Variants in OMA1 observed in about 807,000 individuals in gnomAD.
OMA1 encodes the protein OMA1 zinc metallopeptidase, also known as metalloendopeptidase OMA1, mitochondrial.
Under a neutral mutation model 30.9 loss-of-function variants are expected in OMA1, and 38 were observed. The ratio of observed to expected loss-of-function variants is 1.23; its 90% confidence interval spans 0.95 to 1.61. OMA1 has a LOEUF of 1.61. Ranked by LOEUF, OMA1 falls within the 40% of genes most tolerant of loss-of-function variation. The pLI is 0.00. For missense variants in OMA1, 461 were observed against 349.2 expected (o/e 1.32, Z -2.55); for synonymous variants, 173 against 121.9 (o/e 1.42, Z -2.76).
At chr1:58,502,299 G>C (rs1461689856) in intron 8 of OMA1, among the ~76,000 whole-genome samples, 1 of 152,178 alleles carries the variant, frequency 6.6e-6, no homozygotes, top group Non-Finnish European at 1.5e-5. Flanking sequence ...CTATGAATCT[G>C]ATCCAACACA....
chr1:58,486,436 A>T (rs1309275089), intron 8 of OMA1, among the ~76,000 whole-genome samples: 1 of 152,120 alleles, frequency 6.6e-6, no homozygotes, highest in African/African-American at 2.4e-5. Context: ...TACATGCTAA[A>T]TTTCTATAAG....
chr1:58,507,421 C>T (rs6674248), intron 7 of OMA1, among the ~76,000 whole-genome samples: 5,661 of 151,814 alleles, frequency 0.037, 151 homozygotes, highest in Non-Finnish European at 0.051. Context: ...TTAACAAATA[C>T]CATTAAAGCA....
intron 8 of OMA1, among the ~76,000 whole-genome samples, chr1:58,494,834 G>A (rs574845805): frequency 3.9e-5 from 6 of 152,180 alleles, no homozygotes; most frequent in Admixed American, 3.9e-4. Flanking sequence ...CTGTAAACTA[G>A]TTCAAACATT....
intron 8 of OMA1, among the ~76,000 whole-genome samples, chr1:58,502,010 G>C (rs1406886600): frequency 6.6e-6 from 1 of 150,846 alleles, no homozygotes. Context: ...AGGGATTTTT[G>C]TCTATTTATT....
intron 7 of OMA1, among the ~76,000 whole-genome samples, chr1:58,507,138 C>T (rs912376525): frequency 5.8e-4 from 88 of 151,702 alleles, no homozygotes; most frequent in African/African-American, 2.1e-3. Flanking sequence ...ATTTTTAAAT[C>T]CTCCATAAGG....
At chr1:58,517,746 A>G (rs1292212189) in intron 7 of OMA1, among the ~76,000 whole-genome samples, 1 of 152,166 alleles carries the variant, frequency 6.6e-6, no homozygotes, top group Non-Finnish European at 1.5e-5. Context: ...ATCAGAGAAG[A>G]GCTAGCACCT....
At chr1:58,524,697 A>G (rs746557248) in intron 7 of OMA1, among the ~76,000 whole-genome samples, 6 of 152,220 alleles carry the variant, frequency 3.9e-5, no homozygotes, top group Non-Finnish European at 7.3e-5. Flanking sequence ...TCTACAGTAT[A>G]TATCAAGCAA....
chr1:58,497,433 GA>G (rs1645822061), intron 8 of OMA1, among the ~76,000 whole-genome samples: 1 of 152,088 alleles, frequency 6.6e-6, no homozygotes, highest in Non-Finnish European at 1.5e-5. Flanking sequence ...TATGATTATG[GA>G]AGAAAATGAT....
At position 58,530,638 on chromosome 1, in the gene OMA1, G is replaced by GC; in HGVS notation, c.1102dup (p.Ala368GlyfsTer10). On this transcript the variant is annotated frameshift_variant, in exon 6 of 9. Coordinates refer to ENST00000371226, the MANE Select transcript of OMA1 (RefSeq NM_145243.5). LOFTEE classifies it high-confidence loss of function. ...AGACTGTATCCACTGGCACAAAAGT[G>GC]CCAAGCTATCTCGAGGACAAATGGC... The GC allele has an allele frequency of 1.1e-6, 1 of 872,634 alleles. No individual in the cohort carries two copies. Among genetic ancestry groups the GC allele is most frequent in the Non-Finnish European group, 2.0e-6 (1 of 501,584 alleles). The allele number at this position is 872,634 out of a possible 1,614,324, so 54.1% of individuals were successfully genotyped here.
intron 5 of OMA1, among the ~76,000 whole-genome samples, chr1:58,533,528 T>G (rs1453087552): frequency 6.6e-6 from 1 of 152,180 alleles, no homozygotes; most frequent in East Asian, 1.9e-4. Context: ...CTAGACATTT[T>G]CAAAGATGCT....
chr1:58,533,866 C>T (rs1261613609), intron 5 of OMA1, 87 bp downstream of exon 5: 2 of 770,598 alleles, frequency 2.6e-6, no homozygotes, highest in Non-Finnish European at 4.6e-6. Flanking sequence ...TTTTAAAAAA[C>T]CTGAAAAAAA....
intron 2 of OMA1, 24 bp from the exon 3 acceptor site, chr1:58,536,765 A>T: frequency 1.2e-6 from 1 of 863,374 alleles, no homozygotes. Context: ...AAAAATTCAA[A>T]GTTCTGAAAA....
At chr1:58,524,193 C>T (rs1287041086) in intron 7 of OMA1, among the ~76,000 whole-genome samples, 1 of 152,198 alleles carries the variant, frequency 6.6e-6, no homozygotes, top group Non-Finnish European at 1.5e-5. Flanking sequence ...TCCTTTATGG[C>T]ATTATCTTTT....
intron 8 of OMA1, among the ~76,000 whole-genome samples, chr1:58,504,318 A>G (rs1645952740): frequency 6.6e-6 from 1 of 152,086 alleles, no homozygotes; most frequent in South Asian, 2.1e-4. Context: ...TGAACACATC[A>G]AACATACGCT....
intron 7 of OMA1, among the ~76,000 whole-genome samples, chr1:58,517,724 T>C (rs1273026383): frequency 1.3e-5 from 2 of 152,170 alleles, no homozygotes; most frequent in East Asian, 1.9e-4. Context: ...TAAATGAAAA[T>C]CATCATAATG....
intron 5 of OMA1, among the ~76,000 whole-genome samples, chr1:58,532,910 C>T (rs976123179): frequency 4.6e-5 from 7 of 152,110 alleles, no homozygotes; most frequent in Non-Finnish European, 1.5e-5. Flanking sequence ...AACAATTTAG[C>T]CCATCTCATC....
intron 8 of OMA1, among the ~76,000 whole-genome samples, chr1:58,493,834 C>T (rs1452510996): frequency 1.3e-5 from 2 of 151,848 alleles, no homozygotes; most frequent in Admixed American, 1.3e-4. Context: ...TGAAAATGGC[C>T]ATACTGCCCA....
intron 1 of OMA1, among the ~76,000 whole-genome samples, chr1:58,546,085 C>T (rs1395379422): frequency 6.6e-6 from 1 of 152,242 alleles, no homozygotes; most frequent in Non-Finnish European, 1.5e-5. Context: ...GCTCCACACA[C>T]AGGCGACATT....
At chr1:58,494,973 T>A (rs1233298336) in intron 8 of OMA1, among the ~76,000 whole-genome samples, 1 of 152,214 alleles carries the variant, frequency 6.6e-6, no homozygotes, top group East Asian at 1.9e-4. Context: ...TGCACACGTA[T>A]GTTTATTGCA....
Sources: allele counts gnomAD v4.1 joint callset (sites outside exome capture counted in the v4.1 genomes callset), GRCh38; gene constraint gnomAD v4.1.1; transcripts MANE v1.5; gene names NCBI Gene and HGNC (gene_info 2026-07-23, HGNC 2026-07-21).